The following NOL10 variants were observed in gnomAD, a reference collection of about 807,000 sequenced individuals.
NOL10 encodes H_NH0074G24.1.
NOL10 carries 58 observed loss-of-function variants against 103.5 expected under a neutral mutation model. The observed-to-expected ratio is 0.56, with a 90% CI of 0.45 to 0.70. The LOEUF (loss-of-function observed/expected upper bound fraction) is 0.70, where lower values mean the gene tolerates loss of function less well. Among genes scored for constraint, NOL10 ranks in the 30% least tolerant of loss-of-function variants. The pLI is 0.00. For missense variants in NOL10, 763 were observed against 807.3 expected (o/e 0.95, Z 0.67); for synonymous variants, 287 against 282.5 (o/e 1.02, Z -0.16).
intron 19 of NOL10, among the ~76,000 whole-genome samples, chr2:10,585,569 T>C (rs1674984979): frequency 6.6e-6 from 1 of 152,216 alleles, no homozygotes; most frequent in African/African-American, 2.4e-5. Flanking sequence ...GGATATAAAC[T>C]GGTCTATACA....
chr2:10,682,749 T>A (rs1175944713), intron 2 of NOL10, among the ~76,000 whole-genome samples: 1 of 151,878 alleles, frequency 6.6e-6, no homozygotes, highest in Non-Finnish European at 1.5e-5. Context: ...AATCCAACTT[T>A]TTTTTCTCCT....
chr2:10,652,971 G>A (rs953693985), intron 12 of NOL10, among the ~76,000 whole-genome samples: 7 of 152,152 alleles, frequency 4.6e-5, no homozygotes, highest in South Asian at 2.1e-4. Context: ...GGAGGCAGGC[G>A]GATCACTTGA....
chr2:10,571,146 T>C lies in NOL10; in HGVS notation c.*925A>G, dbSNP rs1454889097. 1 of 152,210 alleles carries C rather than the reference T, an allele frequency of 6.6e-6. No homozygotes were observed. The highest frequency in any genetic ancestry group is 2.4e-5 in the African/African-American group (1 of 41,448). The allele number at this position is 152,210 out of a possible 1,614,324, so 9.4% of individuals were successfully genotyped here. The stretch of plus-strand genomic sequence containing the variant: ...TCATGTCAAATTGTAATCTTCGGTG[T>C]TGGAGGAGGGGCCTGGAGGGAGGTG... On this transcript the variant is annotated 3_prime_UTR_variant, in exon 21 of 21. Coordinates refer to ENST00000381685, the MANE Select transcript of NOL10 (RefSeq NM_024894.4).
intron 14 of NOL10, among the ~76,000 whole-genome samples, chr2:10,605,718 G>T (rs1266915747): frequency 1.3e-5 from 2 of 152,126 alleles, no homozygotes; most frequent in African/African-American, 2.4e-5. Context: ...AAGAATGTAG[G>T]TGAGTGTGAC....
intron 13 of NOL10, among the ~76,000 whole-genome samples, chr2:10,610,670 A>G (rs1265262965): frequency 2.0e-5 from 3 of 152,230 alleles, no homozygotes; most frequent in Admixed American, 2.0e-4. Flanking sequence ...TTAGCCAATA[A>G]GGAGGGCTCA....
At chr2:10,634,524 T>C (rs1201506421) in intron 13 of NOL10, 3 of 456,564 alleles carry the variant, frequency 6.6e-6, no homozygotes, top group African/African-American at 4.0e-5. Context: ...CCGAGTAGAC[T>C]GGTGGATATG....
intron 13 of NOL10, among the ~76,000 whole-genome samples, chr2:10,637,865 A>G (rs1364945129): frequency 6.6e-6 from 1 of 152,242 alleles, no homozygotes; most frequent in Non-Finnish European, 1.5e-5. Flanking sequence ...TGCAGGCTCC[A>G]AGAGTACTTT....
chr2:10,665,810 T>C (rs566760683), intron 8 of NOL10, among the ~76,000 whole-genome samples: 1 of 152,352 alleles, frequency 6.6e-6, no homozygotes, highest in South Asian at 2.1e-4. Context: ...TTCAAACACA[T>C]TCAACATAGT....
intron 17 of NOL10, among the ~76,000 whole-genome samples, chr2:10,594,318 A>G (rs1675552802): frequency 6.6e-6 from 1 of 152,140 alleles, no homozygotes; most frequent in African/African-American, 2.4e-5. Context: ...ATACCCTCAC[A>G]TTGACTGACT....
At chr2:10,657,088 G>A (rs1046333425) in intron 11 of NOL10, among the ~76,000 whole-genome samples, 1 of 152,174 alleles carries the variant, frequency 6.6e-6, no homozygotes, top group Admixed American at 6.5e-5. Flanking sequence ...GGAGGTCGAG[G>A]CAGGCGGATC....
intron 8 of NOL10, among the ~76,000 whole-genome samples, chr2:10,665,172 G>A (rs1346106428): frequency 6.6e-6 from 1 of 152,090 alleles, no homozygotes; most frequent in African/African-American, 2.4e-5. Flanking sequence ...AACTACAGCA[G>A]GTAATTCCAA....
chr2:10,677,782 G>A (rs1681419384), intron 3 of NOL10, among the ~76,000 whole-genome samples: 1 of 151,836 alleles, frequency 6.6e-6, no homozygotes, highest in Non-Finnish European at 1.5e-5. Flanking sequence ...TTAAAAAAGA[G>A]AAGTTTAAAA....
intron 20 of NOL10, among the ~76,000 whole-genome samples, chr2:10,573,945 T>C (rs1451912845): frequency 6.6e-6 from 1 of 152,154 alleles, no homozygotes; most frequent in African/African-American, 2.4e-5. Context: ...CAACTCTCCA[T>C]GCAGCAACCG....
chr2:10,660,181 G>C (rs1680104696), intron 9 of NOL10, among the ~76,000 whole-genome samples: 1 of 152,198 alleles, frequency 6.6e-6, no homozygotes, highest in Non-Finnish European at 1.5e-5. Context: ...GCTTGAGCCT[G>C]TAACTGCGCT....
At chr2:10,678,436 A>AAC (rs1553315652) in intron 3 of NOL10, among the ~76,000 whole-genome samples, 33,457 of 149,962 alleles carry the variant, frequency 0.22, 4,672 homozygotes, top group Non-Finnish European at 0.31. Context: ...AAAAAAAAAA[A>AAC]CACTAATAAA....
chr2:10,616,831 G>C (rs1676858913), intron 13 of NOL10, among the ~76,000 whole-genome samples: 1 of 152,172 alleles, frequency 6.6e-6, no homozygotes, highest in African/African-American at 2.4e-5. Flanking sequence ...TTACAGGAGT[G>C]AGACACCACG....
intron 11 of NOL10, among the ~76,000 whole-genome samples, chr2:10,656,155 T>C (rs1037666811): frequency 6.6e-6 from 1 of 152,246 alleles, no homozygotes; most frequent in South Asian, 2.1e-4. Flanking sequence ...AAATAACTTC[T>C]ACTTTACCAG....
intron 13 of NOL10, chr2:10,622,075 T>C (rs115887937): frequency 0.013 from 6,345 of 471,178 alleles, 353 homozygotes; most frequent in African/African-American, 0.12. Flanking sequence ...ACAGCAGATA[T>C]AGAACGTGTC....
At chr2:10,680,013 A>C (rs565651342) in intron 3 of NOL10, among the ~76,000 whole-genome samples, 47 of 151,934 alleles carry the variant, frequency 3.1e-4, no homozygotes, top group African/African-American at 8.4e-4. Context: ...AGTGGCTCAC[A>C]CCTATAATCC....
Sources: allele counts gnomAD v4.1 joint callset (sites outside exome capture counted in the v4.1 genomes callset), GRCh38; gene constraint gnomAD v4.1.1; transcripts MANE v1.5; gene names NCBI Gene and HGNC (gene_info 2026-07-23, HGNC 2026-07-21).